Variants in ZNF565 observed in about 807,000 individuals in gnomAD.
ZNF565 encodes zinc finger protein 565.
In ZNF565, 27 loss-of-function variants were observed where a neutral mutation model predicts 39.4. That is an observed-to-expected ratio of 0.69 (90% CI 0.51 to 0.95). ZNF565 has a LOEUF of 0.95. Ranked by LOEUF, ZNF565 falls within the 40% of genes least tolerant of loss-of-function variation. ZNF565 has a pLI of 0.00. For synonymous variants in ZNF565, 185 were observed against 216.6 expected (o/e 0.85, Z 1.28); for missense variants, 524 against 621.1 (o/e 0.84, Z 1.66).
intron 4 of ZNF565, among the ~76,000 whole-genome samples, 166 bp downstream of exon 4, chr19:36,194,067 T>C (rs34912665): frequency 0.37 from 55,628 of 151,932 alleles, 10,356 homozygotes; most frequent in Admixed American, 0.41. Context: ...TAGGCCAAGG[T>C]TCTCTTGGAA....
At chr19:36,214,112 C>T (rs1225792981) in intron 1 of ZNF565, among the ~76,000 whole-genome samples, 2 of 151,922 alleles carry the variant, frequency 1.3e-5, no homozygotes, top group African/African-American at 4.8e-5. Flanking sequence ...CCCACACAAG[C>T]AGTGGCACCC....
At chr19:36,217,386 AAGG>A (rs1296118787), upstream of ZNF565, among the ~76,000 whole-genome samples, 1 of 151,968 alleles carries the variant, frequency 6.6e-6, no homozygotes, top group African/African-American at 2.4e-5. Flanking sequence ...GAAAGAAAGA[AAGG>A]AGAGAGAGAG....
At position 36,183,485 on chromosome 19, in the gene ZNF565, C is replaced by T; in HGVS notation, c.481G>A (p.Glu161Lys). 1.2e-6 allele frequency: 2 copies of T among 1,614,256 alleles called. No individual in the cohort carries two copies. Among genetic ancestry groups the T allele is most frequent in the Non-Finnish European group, 1.7e-6 (2 of 1,180,054 alleles). ...CATTCCATCAGTTTCTCACCAGTCT[C>T]CCTGCTCTGACGTACAGTGTGAGAC... ...HTSHTVRQSR[E>K]TGEKLMECHE... is the part of the protein sequence containing the mutation. The change falls in exon 5 of 5, where the codon GAG becomes AAG. Residue 161 changes from glutamate to lysine, a missense_variant. Transcript: ENST00000304116.
chr19:36,219,010 G>A (rs910363387), upstream of ZNF565, among the ~76,000 whole-genome samples: 2 of 150,886 alleles, frequency 1.3e-5, no homozygotes, highest in Admixed American at 6.6e-5. Context: ...GGATTTCACC[G>A]TGTTAGCCAG....
At chr19:36,234,621 T>C (rs1406610472) in intron 1 of ZNF565, among the ~76,000 whole-genome samples, 1 of 152,154 alleles carries the variant, frequency 6.6e-6, no homozygotes, top group Non-Finnish European at 1.5e-5. Flanking sequence ...ATGGTCTTGA[T>C]CTCCTGACCT....
rs1426740760 is a variant in ZNF565 at position 36,237,508 on chromosome 19, C to T, written c.55+7968G>A. The T allele has an allele frequency of 1.8e-5, 10 of 567,732 alleles. No homozygotes were observed. In the Admixed American group the frequency reaches 3.1e-4, roughly 17 times the overall value. 35.2% of individuals were successfully genotyped at this position (567,732 alleles called of 1,614,324 possible). On this transcript the variant is annotated intron_variant, in intron 1 of 4. Coordinates refer to the ZNF565 transcript ENST00000355114. ...CATGCATATGATTAAAACCCTGTGTCCAACAGAGAAACCTGCAGCAGAGAT... is the reference window on the plus strand; with the variant it reads ...CATGCATATGATTAAAACCCTGTGTTCAACAGAGAAACCTGCAGCAGAGAT...
rs773344788 is a variant in ZNF565, at chr19:36,183,684, G to A, written c.282C>T (p.Ile94=). 9.3e-6 allele frequency: 15 copies of A among 1,611,816 alleles called. No individual in the cohort carries two copies. Among genetic ancestry groups the A allele is most frequent in the African/African-American group, 4.0e-5 (3 of 74,860 alleles). The change falls in exon 5 of 5, where the codon ATC becomes ATT. Residue 94 remains isoleucine (I), a synonymous_variant. Coordinates refer to ENST00000304116, the MANE Select transcript of ZNF565 (RefSeq NM_152477.5). ...EKFLQKDIFE[I]GAFNWEIMES... ...CCATTATCTCCCAGTTGAATGCCCC[G>A]ATTTCAAAAATGTCTTTTTGTAGAA...
intron 1 of ZNF565, among the ~76,000 whole-genome samples, chr19:36,235,354 A>G (rs1977607886): frequency 6.6e-6 from 1 of 152,042 alleles, no homozygotes; most frequent in South Asian, 2.1e-4. Context: ...TGGAAAGGTT[A>G]TTTTTCAAGA....
intron 1 of ZNF565, among the ~76,000 whole-genome samples, chr19:36,238,939 T>C (rs1977747529): frequency 6.6e-6 from 1 of 152,076 alleles, no homozygotes. Context: ...GCGAACCCTA[T>C]TGGGAACTGT....
chr19:36,224,146 C>T (rs1015763838), intron 1 of ZNF565, among the ~76,000 whole-genome samples: 9 of 152,166 alleles, frequency 5.9e-5, no homozygotes, highest in African/African-American at 2.2e-4. Flanking sequence ...CTTTGCAAGG[C>T]CAAGGTGGGT....
chr19:36,183,158 G>A lies in ZNF565; in HGVS notation c.808C>T (p.Gln270Ter). The change falls in exon 5 of 5, where the codon CAA becomes TAA. Residue 270 changes from glutamine (Q) to a stop codon, truncating the protein, a stop_gained. Coordinates refer to ENST00000304116, the MANE Select transcript of ZNF565 (RefSeq NM_152477.5). LOFTEE classifies it high-confidence loss of function. Reference protein sequence around the residue: ...FRQHSQLILHQRTHTGEKPYV... With the variant: ...FRQHSQLILH ...GGTTTCTCGCCTGTGTGAGTTCTTTGATGCAGAATCAGCTGTGAATGCTGC... is the reference window on the plus strand; with the variant it reads ...GGTTTCTCGCCTGTGTGAGTTCTTTAATGCAGAATCAGCTGTGAATGCTGC... The A allele has an allele frequency of 6.2e-7, 1 of 1,614,110 alleles. No homozygotes were observed. The highest frequency in any genetic ancestry group is 1.3e-5 in the African/African-American group (1 of 75,042).
At position 36,182,961 on chromosome 19, in the gene ZNF565, G is replaced by A. The variant is rs779840761; in HGVS notation, c.1005C>T (p.Tyr335=). ...AGCCCTTTCCGCATTCCTTACACTC[G>A]TAGGGTTTCTCACCAGTGTGGATTC... ...HQRIHTGEKP[Y]ECKECGKGFI... The change falls in exon 5 of 5, where the codon TAC becomes TAT. Residue 335 remains tyrosine (Y), a synonymous_variant. Coordinates refer to ENST00000304116, the MANE Select transcript of ZNF565 (RefSeq NM_152477.5). The A allele has an allele frequency of 4.1e-5, 66 of 1,613,996 alleles. No homozygotes were observed. In the South Asian group the frequency reaches 4.8e-4, roughly 12 times the overall value.
rs752879457 is a variant in ZNF565 at position 36,183,119 on chromosome 19, CTT to C, written c.845_846del (p.Lys282ArgfsTer26). The C allele has an allele frequency of 3.8e-5, 62 of 1,614,042 alleles. No individual in the cohort carries two copies. The highest frequency in any genetic ancestry group is 4.9e-5 in the Non-Finnish European group (58 of 1,180,042). On this transcript the variant is annotated frameshift_variant, in exon 5 of 5. Transcript: ENST00000304116. LOFTEE classifies it high-confidence loss of function. ...THTGEKPYVC[K>X]DCGKAFIRGS... ...CCACGAATGAAAGCCTTGCCACAGT[CTT>C]TACATACGTAGGGTTTCTCGCCTGT...
chr19:36,218,940 C>G (rs1009741124), upstream of ZNF565, among the ~76,000 whole-genome samples: 2 of 151,510 alleles, frequency 1.3e-5, no homozygotes, highest in Non-Finnish European at 1.5e-5. Context: ...TCCCAAGTAG[C>G]TGGGACTACG....
At chr19:36,207,109 C>T (rs1461837276) in intron 1 of ZNF565, among the ~76,000 whole-genome samples, 6 of 152,040 alleles carry the variant, frequency 3.9e-5, no homozygotes, top group Middle Eastern at 3.2e-3. Context: ...ATGGAACATG[C>T]GAGACGAAGA....
chr19:36,198,146 A>T (rs1475834607), intron 2 of ZNF565, among the ~76,000 whole-genome samples: 1 of 152,064 alleles, frequency 6.6e-6, no homozygotes, highest in East Asian at 1.9e-4. Flanking sequence ...AAAAAGAAAG[A>T]AAGAAAGGAA....
rs759702988 is a variant in ZNF565 at position 36,183,434 on chromosome 19, G to A, written c.532C>T (p.Arg178Cys). The A allele has an allele frequency of 3.8e-5, 62 of 1,612,108 alleles. No individual in the cohort carries two copies. The highest frequency in any genetic ancestry group is 3.1e-4 in the South Asian group (28 of 91,018). The change falls in exon 5 of 5, where the codon CGT becomes TGT. Residue 178 changes from arginine (R) to cysteine (C), a missense_variant. Transcript: ENST00000304116. ...ECHECGKAFS[R>C]GSHLIQHQKI... ...TGATGTTGAATAAGGTGTGAGCCAC[G>A]GCTAAATGCTTTCCCACATTCATGA...
At chr19:36,234,475 C>T (rs2145460692) in intron 1 of ZNF565, among the ~76,000 whole-genome samples, 2 of 152,252 alleles carry the variant, frequency 1.3e-5, no homozygotes, top group South Asian at 4.1e-4. Flanking sequence ...TCCAATTGTC[C>T]CCAGAATGCC....
At chr19:36,200,100 A>G (rs529513195) in intron 2 of ZNF565, among the ~76,000 whole-genome samples, 1 of 152,042 alleles carries the variant, frequency 6.6e-6, no homozygotes, top group East Asian at 1.9e-4. Context: ...ATCTTGGCTC[A>G]CTGCAACCTC....
Sources: gnomAD v4.1 joint callset for allele counts (sites outside exome capture counted in the v4.1 genomes callset) on GRCh38, gnomAD v4.1.1 for gene constraint, MANE v1.5 for transcripts, NCBI Gene and HGNC (gene_info 2026-07-23, HGNC 2026-07-21) for gene names.